NFE2L3: variants seen among roughly 807,000 people sequenced by gnomAD.
NFE2L3 encodes NFE2 like bZIP transcription factor 3.
A neutral mutation model predicts 23.5 loss-of-function variants in NFE2L3; 18 were observed. The ratio of observed to expected loss-of-function variants is 0.77; its 90% CI spans 0.53 to 1.13. NFE2L3 has a LOEUF of 1.13. Among genes scored for constraint, NFE2L3 ranks in the 50% most tolerant of loss-of-function variants. The pLI is 0.00. For synonymous variants in NFE2L3, 424 were observed against 354.5 expected (o/e 1.20, Z -2.20); for missense variants, 1,152 against 877.2 (o/e 1.31, Z -3.96).
At position 26,152,882 on chromosome 7, in the gene NFE2L3, C is replaced by T. The variant is rs751748852; in HGVS notation, c.384C>T (p.Leu128=). Residue 128 remains leucine (L), a synonymous_variant, in exon 1 of 4, where the codon CTC becomes CTT. Coordinates refer to ENST00000056233, the MANE Select transcript of NFE2L3 (RefSeq NM_004289.7). This position sits in a 1 kb window ranked among gnomAD's most constrained non-coding sequence, Gnocchi z 4.4. ...GCGCGGACGAGGCCCACGGGCTGCT[C>T]GGCGCCGCCGCCGCCTCGTCCACCG... ...AGSADEAHGL[L]GAAAASSTGG... 66 of 1,456,698 alleles carry T rather than the reference C, an allele frequency of 4.5e-5. No homozygotes were observed. In the South Asian group the frequency reaches 7.9e-4, roughly 17 times the overall value. 90.2% of individuals were successfully genotyped at this position (1,456,698 alleles called of 1,614,324 possible). A position where few individuals can be genotyped will look rare whatever the true frequency, so the allele number is the denominator to read the frequency against.
Position 26,183,732 on chromosome 7 carries a change from C to T in NFE2L3, c.782C>T (p.Ser261Phe). ...CTGAATGGGACAGATACTTCTTTCT[C>T]TCTGGAAGACTTATTCCAGTTGCTT... is the stretch of plus-strand genomic sequence containing the variant. ...RHLNGTDTSF[S>F]LEDLFQLLSS... Residue 261 changes from serine (S) to phenylalanine (F), a missense_variant, in exon 3 of 4, where the codon TCT (serine) becomes TTT (phenylalanine). Physicochemically the swap from Ser to Phe is radical, Grantham distance 155. Coordinates refer to ENST00000056233, the MANE Select transcript of NFE2L3 (RefSeq NM_004289.7). 1 of 1,612,336 alleles carries T rather than the reference C, an allele frequency of 6.2e-7. No homozygotes were observed. Among genetic ancestry groups the T allele is most frequent in the Non-Finnish European group, 8.5e-7 (1 of 1,178,320 alleles).
At chr7:26,166,028 A>C (rs1784245765) in intron 1 of NFE2L3, among the ~76,000 whole-genome samples, 1 of 152,122 alleles carries the variant, frequency 6.6e-6, no homozygotes, top group Non-Finnish European at 1.5e-5. Flanking sequence ...TTTGCATGAT[A>C]AAGTAGTATT....
At position 26,184,567 on chromosome 7, in the gene NFE2L3, G is replaced by C. The variant is rs777601400; in HGVS notation, c.869G>C (p.Ser290Thr). Residue 290 changes from serine to threonine, a missense_variant, in exon 4 of 4, where the codon AGT becomes ACT. Transcript: ENST00000056233. ...ISLGDIPLPG[S>T]ISDGMNSSAH... ...TTGGGAGATATTCCTCTTCCAGGCA[G>C]TATCAGTGATGGCATGAATTCTTCA... The C allele has an allele frequency of 8.7e-6, 14 of 1,613,468 alleles. No homozygotes were observed. The highest frequency in any genetic ancestry group is 2.7e-5 in the African/African-American group (2 of 74,926).
intron 2 of NFE2L3, 93 bp downstream of exon 2, chr7:26,178,215 C>A: frequency 2.9e-6 from 3 of 1,026,868 alleles, no homozygotes; most frequent in Non-Finnish European, 4.3e-6. Context: ...GCATGTAAAA[C>A]AGTATGCTCT....
At chr7:26,157,875 G>T (rs1784107254) in intron 1 of NFE2L3, among the ~76,000 whole-genome samples, 1 of 152,150 alleles carries the variant, frequency 6.6e-6, no homozygotes, top group Non-Finnish European at 1.5e-5. Context: ...GGGCTGTGAG[G>T]GAGAAAGTGT....
At chr7:26,181,422 C>G (rs1273184941) in intron 2 of NFE2L3, among the ~76,000 whole-genome samples, 1 of 152,144 alleles carries the variant, frequency 6.6e-6, no homozygotes, top group Non-Finnish European at 1.5e-5. Context: ...GATGACAACT[C>G]TGGAAGAATA....
At chr7:26,158,529 G>A (rs920579687) in intron 1 of NFE2L3, among the ~76,000 whole-genome samples, 7 of 152,178 alleles carry the variant, frequency 4.6e-5, no homozygotes, top group African/African-American at 1.7e-4. Flanking sequence ...ATTTGCATAG[G>A]ACTTGGTGTG....
rs1455498393 is a variant in NFE2L3, at chr7:26,185,622, T to C, written c.1924T>C (p.Tyr642His). The change falls in exon 4 of 4, where the codon TAT (tyrosine) becomes CAT (histidine). Residue 642 changes from tyrosine to histidine, a missense_variant. Physicochemically the swap from Tyr to His is moderately conservative, Grantham distance 83. Transcript: ENST00000056233. ...AATGAAACAGAAACTGCATGACCTT[T>C]ATCATGATATTTTTAGTAGATTAAG... ...NIMKQKLHDLYHDIFSRLRDD... is the reference protein window; with the variant it reads ...NIMKQKLHDLHHDIFSRLRDD... 1.9e-6 allele frequency: 3 copies of C among 1,613,928 alleles called. No homozygotes were observed. Among genetic ancestry groups the C allele is most frequent in the South Asian group, 1.1e-5 (1 of 91,076 alleles).
chr7:26,160,365 G>A (rs886166741), intron 1 of NFE2L3, among the ~76,000 whole-genome samples: 4 of 152,200 alleles, frequency 2.6e-5, no homozygotes, highest in African/African-American at 9.7e-5. Context: ...TTGGCAGAAT[G>A]TGGGCAAGTC....
intron 1 of NFE2L3, among the ~76,000 whole-genome samples, chr7:26,159,964 T>C (rs1292414976): frequency 6.7e-6 from 1 of 150,142 alleles, no homozygotes; most frequent in Non-Finnish European, 1.5e-5. Context: ...TTTTTTTTTT[T>C]TTTTTGAGAG....
intron 2 of NFE2L3, among the ~76,000 whole-genome samples, chr7:26,181,159 T>C (rs1179848283): frequency 6.6e-6 from 1 of 152,092 alleles, no homozygotes; most frequent in Non-Finnish European, 1.5e-5. Context: ...GTATTTTCAG[T>C]AGAAGTGGGG....
chr7:26,169,496 C>T (rs1267981551), intron 1 of NFE2L3, among the ~76,000 whole-genome samples: 5 of 152,144 alleles, frequency 3.3e-5, no homozygotes, highest in African/African-American at 7.2e-5. Context: ...TTAGGGGAGG[C>T]GACTCTTGGC....
intron 1 of NFE2L3, among the ~76,000 whole-genome samples, chr7:26,165,919 CTG>C (rs561306874): frequency 7.8e-4 from 118 of 152,252 alleles, no homozygotes; most frequent in African/African-American, 2.6e-3. Context: ...TATCTAGTCA[CTG>C]TTCAAATTTC....
Position 26,184,785 on chromosome 7 carries a change from G to T in NFE2L3, c.1087G>T (p.Gly363Ter). Residue 363 changes from glycine (G) to a stop codon, truncating the protein, a stop_gained, in exon 4 of 4, where the codon GGA (glycine) becomes TGA (stop). Transcript: ENST00000056233. LOFTEE classifies it low-confidence loss of function (END_TRUNC). ...AACCCTTCCTGGAACTAATTTGACAGGATTTCTTTCACCGGTTGACAATCA... is the reference window on the plus strand; with the variant it reads ...AACCCTTCCTGGAACTAATTTGACATGATTTCTTTCACCGGTTGACAATCA... ...EQTLPGTNLT[G>*]FLSPVDNHMR... The T allele has an allele frequency of 6.2e-7, 1 of 1,613,896 alleles. No individual in the cohort carries two copies. Among genetic ancestry groups the T allele is most frequent in the Non-Finnish European group, 8.5e-7 (1 of 1,179,842 alleles).
At chr7:26,163,667 TTTA>T (rs1372892917) in intron 1 of NFE2L3, among the ~76,000 whole-genome samples, 1 of 152,128 alleles carries the variant, frequency 6.6e-6, no homozygotes, top group East Asian at 1.9e-4. Flanking sequence ...ATTTATTTAT[TTTA>T]TTATACTTTA....
chr7:26,179,162 C>T (rs1583937231), intron 2 of NFE2L3, among the ~76,000 whole-genome samples: 1 of 143,152 alleles, frequency 7.0e-6, no homozygotes, highest in African/African-American at 2.8e-5. Flanking sequence ...ATTCTAGATA[C>T]TAATGAAAAT....
chr7:26,155,941 T>C (rs566354951), intron 1 of NFE2L3, among the ~76,000 whole-genome samples: 1 of 152,252 alleles, frequency 6.6e-6, no homozygotes, highest in South Asian at 2.1e-4. Context: ...GGTGCCTGGA[T>C]TGTAGCTGCG....
intron 1 of NFE2L3, chr7:26,173,687 T>C (rs1478967263): frequency 6.6e-5 from 10 of 152,190 alleles, no homozygotes; most frequent in Admixed American, 5.9e-4. Context: ...GAAAGAACAA[T>C]CTATCAGAAG....
In NFE2L3 at chr7:26,171,851, C is replaced by CA. The variant is rs200985835; in HGVS notation, c.571-6084dup. Among the ~76,000 whole-genome samples the CA allele has an allele frequency of 2.2e-3, 336 of 151,536 alleles. 3 individuals carry two copies. The highest frequency in any genetic ancestry group is 0.018 in the South Asian group (86 of 4,772). On this transcript the variant is annotated intron_variant, in intron 1 of 3. Coordinates refer to ENST00000056233, the MANE Select transcript of NFE2L3 (RefSeq NM_004289.7). ...GCAACATAGCAAGACCCCATCTCTA[C>CA]AAAAAAAACAAAAATAGAATGTAAG... is the stretch of plus-strand genomic sequence containing the variant.
Sources: allele counts gnomAD v4.1 joint callset (sites outside exome capture counted in the v4.1 genomes callset), GRCh38; gene constraint gnomAD v4.1.1; non-coding constraint Gnocchi (gnomAD v3.1); transcripts MANE v1.5; gene names NCBI Gene and HGNC (gene_info 2026-07-23, HGNC 2026-07-21).